KBTBD12: variants seen among roughly 807,000 people sequenced by gnomAD.
KBTBD12 encodes the protein kelch repeat and BTB domain containing 12.
KBTBD12 carries 53 observed loss-of-function variants against 58.7 expected under a neutral mutation model. The observed-to-expected ratio is 0.90, with a 90% CI of 0.72 to 1.14. The LOEUF (loss-of-function observed/expected upper bound fraction) is 1.14, where lower values mean the gene tolerates loss of function less well. KBTBD12 is among the 50% of genes most tolerant of loss of function. The pLI is 0.00. For missense variants in KBTBD12, 704 were observed against 751.3 expected, an observed-to-expected ratio of 0.94 and a Z score of 0.74; for synonymous variants, 236 against 259.8, an observed-to-expected ratio of 0.91 and a Z score of 0.88.
At chr3:127,974,255 G>A (rs1940736157) in intron 5 of KBTBD12, among the ~76,000 whole-genome samples, 1 of 152,194 alleles carries the variant, frequency 6.6e-6, no homozygotes, top group Admixed American at 6.5e-5. Context: ...AAAACTGATG[G>A]ATTTTGAATC....
chr3:127,923,026 A>T lies in KBTBD12; in HGVS notation c.-36A>T. Reference sequence around the variant, plus strand: ...GCCCCTCAGGAATCAAGCTACACTTAAAGAAGACTTAGTTGGAAACTTTGG... The same window carrying T: ...GCCCCTCAGGAATCAAGCTACACTTTAAGAAGACTTAGTTGGAAACTTTGG... On this transcript the variant is annotated 5_prime_UTR_variant, in exon 2 of 6. The change abolishes the stop of an existing upstream ORF in the 5' untranslated region. Coordinates refer to ENST00000405109, the MANE Select transcript of KBTBD12 (RefSeq NM_207335.4). The T allele has an allele frequency of 7.8e-7, 1 of 1,278,372 alleles. No individual in the cohort carries two copies. The highest frequency in any genetic ancestry group is 1.1e-6 in the Non-Finnish European group (1 of 891,288). 79.2% of individuals were successfully genotyped at this position (1,278,372 alleles called of 1,614,324 possible). A position where few individuals can be genotyped will look rare whatever the true frequency, so the allele number is the denominator to read the frequency against.
At chr3:127,975,263 A>G (rs1940763182) in intron 5 of KBTBD12, among the ~76,000 whole-genome samples, 1 of 152,228 alleles carries the variant, frequency 6.6e-6, no homozygotes, top group African/African-American at 2.4e-5. Flanking sequence ...GGAGGTGTTC[A>G]TCCTCAGACT....
At chr3:127,920,028 T>C (rs1410049096) in intron 1 of KBTBD12, among the ~76,000 whole-genome samples, 1 of 152,180 alleles carries the variant, frequency 6.6e-6, no homozygotes, top group Non-Finnish European at 1.5e-5. Context: ...CCCACTTGCA[T>C]CCCTCTTTTT....
chr3:127,942,220 A>G (rs898455385), intron 4 of KBTBD12, among the ~76,000 whole-genome samples: 2 of 152,222 alleles, frequency 1.3e-5, no homozygotes, highest in Non-Finnish European at 2.9e-5. Flanking sequence ...TGATATACAT[A>G]GTCAAAAGAT....
At chr3:127,916,773 T>A (rs987181879) in intron 1 of KBTBD12, among the ~76,000 whole-genome samples, 2 of 151,104 alleles carry the variant, frequency 1.3e-5, no homozygotes, top group Admixed American at 1.3e-4. Context: ...ATACATGGCT[T>A]CAGTAGTTCC....
At chr3:127,967,727 T>C (rs1414880496) in intron 5 of KBTBD12, among the ~76,000 whole-genome samples, 1 of 152,190 alleles carries the variant, frequency 6.6e-6, no homozygotes, top group Non-Finnish European at 1.5e-5. Context: ...AATGTGTAAC[T>C]AATAAAACCT....
chr3:127,937,879 T>C (rs1420344978), intron 4 of KBTBD12, among the ~76,000 whole-genome samples: 2 of 152,094 alleles, frequency 1.3e-5, no homozygotes, highest in Non-Finnish European at 2.9e-5. Flanking sequence ...AATAATGGAA[T>C]CCTAAAGACA....
chr3:127,944,679 T>C (rs1940031148), intron 4 of KBTBD12, among the ~76,000 whole-genome samples: 1 of 152,180 alleles, frequency 6.6e-6, no homozygotes, highest in South Asian at 2.1e-4. Context: ...TTCTTGTCTA[T>C]TTGCTCTTGC....
intron 2 of KBTBD12, 126 bp downstream of exon 2, chr3:127,924,257 A>T (rs1380103970): frequency 6.8e-6 from 4 of 591,660 alleles, no homozygotes; most frequent in African/African-American, 3.7e-5. Flanking sequence ...TACATCTCCC[A>T]TAAGGAATAG....
At chr3:127,978,644 C>G (rs890394350) in intron 5 of KBTBD12, among the ~76,000 whole-genome samples, 1 of 152,130 alleles carries the variant, frequency 6.6e-6, no homozygotes, top group East Asian at 1.9e-4. Flanking sequence ...TACCCCACCC[C>G]CTTCCCAAGC....
In KBTBD12 at chr3:127,986,326, G is replaced by A. The variant is rs1940964524; in HGVS notation, c.*2048G>A. The A allele has an allele frequency of 6.6e-6, 1 of 152,598 alleles. No homozygotes were observed. The allele number at this position is 152,598 out of a possible 1,614,324, so 9.5% of individuals were successfully genotyped here. A position where few individuals can be genotyped will look rare whatever the true frequency, so the allele number is the denominator to read the frequency against. ...ATGAGGATTAAGTGCTGAGCAAAGT[G>A]CCTGTGAAATCCTGAAATAATAAGC... On this transcript the variant is annotated 3_prime_UTR_variant, in exon 6 of 6. Coordinates refer to ENST00000405109, the MANE Select transcript of KBTBD12 (RefSeq NM_207335.4).
chr3:127,963,199 C>A lies in KBTBD12; in HGVS notation c.1503C>A (p.Gly501=). 1 of 1,603,454 alleles carries A rather than the reference C, an allele frequency of 6.2e-7. No homozygotes were observed. The highest frequency in any genetic ancestry group is 8.5e-7 in the Non-Finnish European group (1 of 1,174,554). Residue 501 remains glycine, a synonymous_variant, in exon 5 of 6, where the codon GGC becomes GGA. Coordinates refer to ENST00000405109, the MANE Select transcript of KBTBD12 (RefSeq NM_207335.4). The stretch of plus-strand genomic sequence containing the variant: ...CATAATTCTCTGCAGGTGGCATTGG[C>A]TGTGTAGGTCAAGACAAGGGCCAGG... ...NSEIYVLGGI[G]CVGQDKGQVR...
rs751470892 is a variant in KBTBD12, at chr3:127,927,744, A to T, written c.1071-20A>T. The T allele has an allele frequency of 3.5e-6, 5 of 1,442,974 alleles. No homozygotes were observed. The highest frequency in any genetic ancestry group is 4.6e-6 in the Non-Finnish European group (5 of 1,089,062). 89.4% of individuals were successfully genotyped at this position (1,442,974 alleles called of 1,614,324 possible). On this transcript the variant is annotated intron_variant, in intron 2 of 5. Coordinates refer to ENST00000405109, the MANE Select transcript of KBTBD12 (RefSeq NM_207335.4). The stretch of plus-strand genomic sequence containing the variant: ...TTTCATGTTACCTCTAATCCTGGAT[A>T]CTCTCTCTCTCTTTTGCAGGTATCA...
chr3:127,982,392 C>T (rs1014772909), intron 5 of KBTBD12, among the ~76,000 whole-genome samples: 3 of 152,126 alleles, frequency 2.0e-5, no homozygotes, highest in African/African-American at 4.8e-5. Flanking sequence ...CCCCACACCC[C>T]GGGAGACAGT....
intron 4 of KBTBD12, among the ~76,000 whole-genome samples, chr3:127,943,925 A>T (rs1378327162): frequency 6.6e-6 from 1 of 152,118 alleles, no homozygotes; most frequent in Non-Finnish European, 1.5e-5. Context: ...TCCTGACATC[A>T]TTTATTGAAG....
At position 127,986,380 on chromosome 3, in the gene KBTBD12, T is replaced by G. The variant is rs1940965825; in HGVS notation, c.*2102T>G. 1 of 152,630 alleles carries G rather than the reference T, an allele frequency of 6.6e-6. No homozygotes were observed. The highest frequency in any genetic ancestry group is 2.4e-5 in the African/African-American group (1 of 41,448). The allele number at this position is 152,630 out of a possible 1,614,324, so 9.5% of individuals were successfully genotyped here. ...TTTTAGCTGCCATTATTATCATCAC[T>G]GTCATTATCATTGCAGTCAGCACTT... On this transcript the variant is annotated 3_prime_UTR_variant, in exon 6 of 6. Transcript: ENST00000405109.
rs1576369893 is a variant in KBTBD12 at position 127,922,995 on chromosome 3, C to A, written c.-67C>A. On this transcript the variant is annotated 5_prime_UTR_variant, in exon 2 of 6. The change creates a premature stop within an existing upstream ORF in the 5' untranslated region. Transcript: ENST00000405109. The stretch of plus-strand genomic sequence containing the variant: ...GTAGCTTCATGAGTAATCAGACATG[C>A]AAATAGCCCCTCAGGAATCAAGCTA... The A allele has an allele frequency of 3.4e-6, 3 of 875,674 alleles. No homozygotes were observed. Among genetic ancestry groups the A allele is most frequent in the South Asian group, 1.7e-5 (1 of 58,620 alleles). The allele number at this position is 875,674 out of a possible 1,614,324, so 54.2% of individuals were successfully genotyped here.
intron 1 of KBTBD12, among the ~76,000 whole-genome samples, chr3:127,918,049 AAAAT>A (rs1939298433): frequency 6.6e-6 from 1 of 152,172 alleles, no homozygotes; most frequent in Non-Finnish European, 1.5e-5. Context: ...GTCTCTACAA[AAAAT>A]AAATAAATAA....
intron 4 of KBTBD12, among the ~76,000 whole-genome samples, chr3:127,949,361 A>T (rs1576383437): frequency 6.6e-6 from 1 of 152,336 alleles, no homozygotes; most frequent in South Asian, 2.1e-4. Context: ...AGAGCTAGAC[A>T]AGAGCCAGCC....
Sources: allele counts gnomAD v4.1 joint callset (sites outside exome capture counted in the v4.1 genomes callset), GRCh38; gene constraint gnomAD v4.1.1; transcripts MANE v1.5; gene names NCBI Gene and HGNC (gene_info 2026-07-23, HGNC 2026-07-21).